The following CCDC178 variants were observed in gnomAD, a reference collection of about 807,000 sequenced individuals.
The protein encoded by CCDC178 is coiled-coil domain containing 178, also known as coiled-coil domain-containing protein 178.
In CCDC178, 126 loss-of-function variants were observed where a neutral mutation model predicts 117.4. The observed-to-expected ratio is 1.07, with a 90% confidence interval of 0.93 to 1.24. The LOEUF is 1.24. Ranked by LOEUF, CCDC178 falls within the 50% of genes most tolerant of loss-of-function variation. The pLI, the probability that CCDC178 is intolerant of heterozygous loss-of-function variation, is 0.00. For synonymous variants in CCDC178, 283 were observed against 313.4 expected (o/e 0.90, Z 1.02); for missense variants, 1,030 against 986.9 (o/e 1.04, Z -0.59).
chr18:33,284,180 C>T (rs982872922), intron 12 of CCDC178, among the ~76,000 whole-genome samples: 2 of 152,182 alleles, frequency 1.3e-5, no homozygotes, highest in African/African-American at 2.4e-5. Context: ...CGCATGTTCT[C>T]ATTTACAAGT....
chr18:33,421,127 G>A (rs955717673), intron 2 of CCDC178, among the ~76,000 whole-genome samples: 1 of 152,144 alleles, frequency 6.6e-6, no homozygotes. Flanking sequence ...AGGATTTTAG[G>A]GAAGAGTTTC....
intron 12 of CCDC178, among the ~76,000 whole-genome samples, chr18:33,289,544 G>A (rs903787220): frequency 6.6e-6 from 1 of 151,970 alleles, no homozygotes; most frequent in African/African-American, 2.4e-5. Context: ...AACCCATGAG[G>A]CAGAGGTTGC....
chr18:33,247,986 A>G (rs921758362), intron 14 of CCDC178, among the ~76,000 whole-genome samples: 2 of 151,854 alleles, frequency 1.3e-5, no homozygotes, highest in African/African-American at 2.4e-5. Context: ...AGACTTGAGA[A>G]AAAAATAGGA....
intron 14 of CCDC178, among the ~76,000 whole-genome samples, chr18:33,248,535 G>C (rs1051694394): frequency 1.3e-5 from 2 of 150,740 alleles, no homozygotes; most frequent in African/African-American, 4.9e-5. Flanking sequence ...TTTTGTCCTT[G>C]TGATAGTTTG....
intron 9 of CCDC178, among the ~76,000 whole-genome samples, chr18:33,340,117 A>G (rs1028167353): frequency 3.9e-5 from 6 of 152,164 alleles, no homozygotes; most frequent in African/African-American, 1.4e-4. Context: ...GATATTAACA[A>G]TAAGGTCCAG....
chr18:33,207,014 G>T (rs923701120), intron 20 of CCDC178, among the ~76,000 whole-genome samples: 1 of 152,298 alleles, frequency 6.6e-6, no homozygotes, highest in African/African-American at 2.4e-5. Context: ...CTGTTGTGTA[G>T]TAATAAAGTC....
At chr18:32,967,829 T>A (rs188863420) in intron 22 of CCDC178, among the ~76,000 whole-genome samples, 1 of 151,674 alleles carries the variant, frequency 6.6e-6, no homozygotes, top group African/African-American at 2.4e-5. Flanking sequence ...TCTAATTTAA[T>A]TGTGTTTGTA....
At chr18:33,353,846 A>G (rs2063013183) in intron 7 of CCDC178, among the ~76,000 whole-genome samples, 1 of 152,036 alleles carries the variant, frequency 6.6e-6, no homozygotes. Context: ...CTTATACTGG[A>G]TTTTATACTT....
At chr18:33,179,326 T>C (rs1009633535) in intron 20 of CCDC178, among the ~76,000 whole-genome samples, 3 of 151,176 alleles carry the variant, frequency 2.0e-5, no homozygotes, top group African/African-American at 7.3e-5. Flanking sequence ...GGTTGAATTA[T>C]AGATCTGGGT....
At chr18:33,374,221 TG>T (rs1228933811) in intron 5 of CCDC178, among the ~76,000 whole-genome samples, 2 of 152,160 alleles carry the variant, frequency 1.3e-5, no homozygotes, top group East Asian at 3.9e-4. Flanking sequence ...GAAACCCACG[TG>T]GGAGGCCCCT....
chr18:33,059,925 G>A (rs971873167), intron 21 of CCDC178, among the ~76,000 whole-genome samples: 34 of 152,260 alleles, frequency 2.2e-4, no homozygotes, highest in Non-Finnish European at 1.2e-4. Flanking sequence ...TTTGCTTTAT[G>A]TAAGTCTCCA....
chr18:33,372,144 G>A (rs989252694), intron 5 of CCDC178, among the ~76,000 whole-genome samples: 5 of 152,132 alleles, frequency 3.3e-5, no homozygotes, highest in African/African-American at 7.2e-5. Flanking sequence ...TGGGAATCAC[G>A]TACTATGAAC....
intron 20 of CCDC178, among the ~76,000 whole-genome samples, chr18:33,172,139 C>G (rs1369177947): frequency 6.6e-6 from 1 of 152,122 alleles, no homozygotes; most frequent in Non-Finnish European, 1.5e-5. Flanking sequence ...CGACGATCCA[C>G]CTGCCTCGGC....
chr18:33,238,992 A>C (rs919596940), intron 15 of CCDC178, among the ~76,000 whole-genome samples: 6 of 152,166 alleles, frequency 3.9e-5, no homozygotes, highest in East Asian at 1.9e-4. Flanking sequence ...CTTAAAAAAA[A>C]CCCCTGCCAG....
chr18:33,283,325 GA>G (rs1043182876), intron 12 of CCDC178, among the ~76,000 whole-genome samples: 1 of 151,652 alleles, frequency 6.6e-6, no homozygotes, highest in African/African-American at 2.4e-5. Context: ...ATTAAAAAAA[GA>G]AAAAAAATCC....
At chr18:33,343,755 T>G (rs2062847379) in intron 9 of CCDC178, among the ~76,000 whole-genome samples, 1 of 152,202 alleles carries the variant, frequency 6.6e-6, no homozygotes, top group African/African-American at 2.4e-5. Context: ...TTCCTTAATT[T>G]TATTTTTGAA....
chr18:33,397,724 A>T (rs1194950580), intron 3 of CCDC178, among the ~76,000 whole-genome samples: 1 of 152,196 alleles, frequency 6.6e-6, no homozygotes, highest in African/African-American at 2.4e-5. Context: ...AAGTGATTAA[A>T]GAGAGTTTAC....
intron 2 of CCDC178, among the ~76,000 whole-genome samples, chr18:33,415,005 C>G (rs1392191066): frequency 6.6e-6 from 1 of 152,166 alleles, no homozygotes; most frequent in Non-Finnish European, 1.5e-5. Context: ...AATGAGATAC[C>G]ATCTCACACC....
chr18:32,967,052 T>C (rs1428039373), intron 22 of CCDC178, among the ~76,000 whole-genome samples: 1 of 151,864 alleles, frequency 6.6e-6, no homozygotes, highest in Non-Finnish European at 1.5e-5. Flanking sequence ...AAGTTAAATT[T>C]GTAAACTATT....
Sources: allele counts gnomAD v4.1 joint callset (sites outside exome capture counted in the v4.1 genomes callset), GRCh38; gene constraint gnomAD v4.1.1; transcripts MANE v1.5; gene names NCBI Gene and HGNC (gene_info 2026-07-23, HGNC 2026-07-21).